The following CCBE1 variants were observed in gnomAD, a reference collection of about 807,000 sequenced individuals.
The protein encoded by CCBE1 is collagen and calcium-binding EGF domain-containing protein 1.
A neutral mutation model predicts 50.0 loss-of-function variants in CCBE1; 37 were observed. The ratio of observed to expected loss-of-function variants is 0.74; its 90% CI spans 0.57 to 0.97. The LOEUF (loss-of-function observed/expected upper bound fraction) is 0.97, where lower values mean the gene tolerates loss of function less well. CCBE1 is among the 50% of genes least tolerant of loss of function. The probability of loss-of-function intolerance (pLI) is 0.00; values close to 1 mark genes in which losing one functional copy is unlikely to be tolerated. For synonymous variants in CCBE1, 234 were observed against 203.7 expected, an observed-to-expected ratio of 1.15 and a Z score of -1.27; for missense variants, 538 against 523.8, an observed-to-expected ratio of 1.03 and a Z score of -0.26.
At chr18:59,676,359 G>A (rs1451611069) in intron 2 of CCBE1, among the ~76,000 whole-genome samples, 2 of 152,192 alleles carry the variant, frequency 1.3e-5, no homozygotes, top group Admixed American at 1.3e-4. Flanking sequence ...CCCACCCATG[G>A]CAAGTCTATG....
intron 2 of CCBE1, among the ~76,000 whole-genome samples, chr18:59,511,190 T>G (rs1407395928): frequency 6.6e-6 from 1 of 152,206 alleles, no homozygotes; most frequent in Non-Finnish European, 1.5e-5. Flanking sequence ...AACTATACCC[T>G]AACTGGTGCC....
chr18:59,649,760 G>C (rs2054103243), intron 2 of CCBE1, among the ~76,000 whole-genome samples: 1 of 152,180 alleles, frequency 6.6e-6, no homozygotes, highest in Admixed American at 6.5e-5. Context: ...AGTAAAAGTG[G>C]GGGTGGATGA....
intron 2 of CCBE1, among the ~76,000 whole-genome samples, chr18:59,521,812 G>A (rs976120128): frequency 6.6e-6 from 1 of 152,154 alleles, no homozygotes; most frequent in Non-Finnish European, 1.5e-5. Flanking sequence ...ATTGAACTTG[G>A]TGGACATCGA....
intron 2 of CCBE1, among the ~76,000 whole-genome samples, chr18:59,694,553 A>G (rs1388687726): frequency 6.6e-6 from 1 of 152,152 alleles, no homozygotes; most frequent in Non-Finnish European, 1.5e-5. Flanking sequence ...TGCATCTCTC[A>G]TTAAGACAGA....
chr18:59,694,775 G>A (rs1485252800), intron 2 of CCBE1, among the ~76,000 whole-genome samples: 1 of 152,122 alleles, frequency 6.6e-6, no homozygotes, highest in Non-Finnish European at 1.5e-5. Flanking sequence ...GGAATACAGA[G>A]AACTCTCGAC....
At chr18:59,592,609 A>AACTATAGATAGATATATATACT (rs2053288181) in intron 2 of CCBE1, among the ~76,000 whole-genome samples, 1 of 152,260 alleles carries the variant, frequency 6.6e-6, no homozygotes, top group African/African-American at 2.4e-5. Context: ...AAGGGGACAA[A>AACTATAGATAGATATATATACT]ACTATAGATA....
intron 2 of CCBE1, among the ~76,000 whole-genome samples, chr18:59,691,391 C>T (rs960863934): frequency 2.0e-5 from 2 of 101,874 alleles, no homozygotes; most frequent in African/African-American, 6.5e-5. Context: ...CTCTCTTCTT[C>T]ACAAGATTTT....
At chr18:59,467,351 A>G (rs1911799061) in intron 4 of CCBE1, among the ~76,000 whole-genome samples, 1 of 152,210 alleles carries the variant, frequency 6.6e-6, no homozygotes, top group South Asian at 2.1e-4. Flanking sequence ...TATAGGTTCC[A>G]AACAGCATGA....
At chr18:59,502,287 T>G (rs1913658165) in intron 2 of CCBE1, among the ~76,000 whole-genome samples, 1 of 152,210 alleles carries the variant, frequency 6.6e-6, no homozygotes, top group African/African-American at 2.4e-5. Flanking sequence ...GCTGAGCAAC[T>G]GCACCCTCGC....
chr18:59,643,477 T>A (rs190449600), intron 2 of CCBE1, among the ~76,000 whole-genome samples: 1 of 152,124 alleles, frequency 6.6e-6, no homozygotes. Context: ...TTTGTTCAAG[T>A]GGTTTAGGGA....
At chr18:59,575,733 T>G (rs978585723) in intron 2 of CCBE1, among the ~76,000 whole-genome samples, 2 of 152,214 alleles carry the variant, frequency 1.3e-5, no homozygotes, top group Admixed American at 6.5e-5. Flanking sequence ...GGTCCTAAGT[T>G]GCAGTGGCTA....
At chr18:59,525,738 C>T (rs1379557554) in intron 2 of CCBE1, among the ~76,000 whole-genome samples, 1 of 152,070 alleles carries the variant, frequency 6.6e-6, no homozygotes, top group Non-Finnish European at 1.5e-5. Flanking sequence ...TTACATTTAA[C>T]TCTTTAATCC....
chr18:59,490,728 T>C (rs536858466), intron 2 of CCBE1, among the ~76,000 whole-genome samples: 2 of 152,352 alleles, frequency 1.3e-5, no homozygotes, highest in East Asian at 3.9e-4. Context: ...AGCCACCATA[T>C]GGTAATTATT....
At chr18:59,660,898 C>T (rs2054275209) in intron 2 of CCBE1, among the ~76,000 whole-genome samples, 2 of 152,274 alleles carry the variant, frequency 1.3e-5, no homozygotes, top group East Asian at 1.9e-4. Context: ...TCCAGACATA[C>T]CAATACCTGG....
rs764855611 is a variant in CCBE1 at position 59,466,747 on chromosome 18, T to A, written c.545A>T (p.Asn182Ile). Residue 182 changes from asparagine (N) to isoleucine (I), a missense_variant, in exon 5 of 11, where the codon AAT (asparagine) becomes ATT (isoleucine). Physicochemically the swap from Asn to Ile is moderately radical, Grantham distance 149. Transcript: ENST00000439986. ...KTCTRGDKYPNDTGHEKSENM... is the reference protein window; with the variant it reads ...KTCTRGDKYPIDTGHEKSENM... ...AGACTTGCCCTACTTACCAGTGTCATTGGGATATTTGTCTCCCCTGGTACA... is the reference window on the plus strand; with the variant it reads ...AGACTTGCCCTACTTACCAGTGTCAATGGGATATTTGTCTCCCCTGGTACA... The A allele has an allele frequency of 1.6e-5, 25 of 1,612,510 alleles. No homozygotes were observed. Among genetic ancestry groups the A allele is most frequent in the Non-Finnish European group, 2.0e-5 (23 of 1,179,396 alleles).
intron 2 of CCBE1, among the ~76,000 whole-genome samples, chr18:59,635,287 A>G (rs1342424795): frequency 6.6e-6 from 1 of 152,010 alleles, no homozygotes; most frequent in Non-Finnish European, 1.5e-5. Flanking sequence ...AAATTAAGCA[A>G]AATAGTATTT....
At chr18:59,616,105 A>T (rs962873212) in intron 2 of CCBE1, among the ~76,000 whole-genome samples, 1 of 152,076 alleles carries the variant, frequency 6.6e-6, no homozygotes, top group African/African-American at 2.4e-5. Flanking sequence ...TCCCAACCTG[A>T]GGATCTGGGT....
intron 2 of CCBE1, among the ~76,000 whole-genome samples, chr18:59,696,137 TTTG>T (rs1306331131): frequency 1.3e-5 from 2 of 152,164 alleles, no homozygotes; most frequent in African/African-American, 2.4e-5. Context: ...CAACAATCTT[TTTG>T]TTTTCACTCA....
intron 2 of CCBE1, among the ~76,000 whole-genome samples, chr18:59,556,769 G>A (rs1408555705): frequency 6.6e-6 from 1 of 152,190 alleles, no homozygotes; most frequent in South Asian, 2.1e-4. Context: ...AAGTGGAAAT[G>A]TCCAAGGAAA....
Sources: gnomAD v4.1 joint callset for allele counts (sites outside exome capture counted in the v4.1 genomes callset) on GRCh38, gnomAD v4.1.1 for gene constraint, MANE v1.5 for transcripts, NCBI Gene and HGNC (gene_info 2026-07-23, HGNC 2026-07-21) for gene names.